PTPRN2: variants seen among roughly 807,000 people sequenced by gnomAD.
PTPRN2 encodes receptor-type tyrosine-protein phosphatase N2.
PTPRN2 carries 74 observed loss-of-function variants against 118.8 expected under a neutral mutation model. The ratio of observed to expected loss-of-function variants is 0.62; its 90% CI spans 0.52 to 0.76. The LOEUF (loss-of-function observed/expected upper bound fraction) is 0.76. Ranked by LOEUF, PTPRN2 falls within the 30% of genes least tolerant of loss-of-function variation. PTPRN2 has a pLI of 0.00. For synonymous variants in PTPRN2, 641 were observed against 608.0 expected (o/e 1.05, Z -0.80); for missense variants, 1,481 against 1,394.4 (o/e 1.06, Z -0.99).
At chr7:157,790,988 A>G (rs1017554162) in intron 12 of PTPRN2, among the ~76,000 whole-genome samples, 1 of 152,210 alleles carries the variant, frequency 6.6e-6, no homozygotes, top group Non-Finnish European at 1.5e-5. Context: ...CTGCTGTTGC[A>G]CATGCAAACT....
intron 12 of PTPRN2, among the ~76,000 whole-genome samples, chr7:157,851,027 C>T (rs191025987): frequency 6.6e-5 from 10 of 152,304 alleles, no homozygotes; most frequent in Admixed American, 1.3e-4. Context: ...GAACAAAAGG[C>T]GGCGAGGGAG....
intron 2 of PTPRN2, among the ~76,000 whole-genome samples, chr7:158,388,703 G>T (rs1165874804): frequency 6.6e-6 from 1 of 152,042 alleles, no homozygotes; most frequent in Non-Finnish European, 1.5e-5. Flanking sequence ...GAGTTGGGGG[G>T]GCCTGAAAGG....
intron 2 of PTPRN2, among the ~76,000 whole-genome samples, chr7:158,333,619 T>A (rs1444324574): frequency 6.7e-6 from 1 of 149,070 alleles, no homozygotes; most frequent in Non-Finnish European, 1.5e-5. Context: ...CTATAAGAGG[T>A]GACACCTACA....
In PTPRN2 at chr7:158,449,094, T is replaced by A. The variant is rs538234739; in HGVS notation, c.163+40641A>T. ...TGTGGACAACAGGGTGTGTTTAGGG[T>A]CCAGGGACTTTCACACCAGAGGAAA... On this transcript the variant is annotated intron_variant, in intron 2 of 22. Coordinates refer to ENST00000389418, the MANE Select transcript of PTPRN2 (RefSeq NM_002847.5). 6.6e-5 allele frequency among the ~76,000 whole-genome samples: 10 copies of A among 152,222 alleles called. No individual in the cohort carries two copies. The East Asian group carries it at 1.9e-3, about 29-fold the overall frequency.
At position 157,967,482 on chromosome 7, in the gene PTPRN2, G is replaced by A. The variant is rs555917289; in HGVS notation, c.1724-68745C>T. Among the ~76,000 whole-genome samples, 89 of 152,260 alleles carry A rather than the reference G, an allele frequency of 5.8e-4. No homozygotes were observed. The East Asian group carries it at 8.1e-3, about 14-fold the overall frequency. The stretch of plus-strand genomic sequence containing the variant: ...GTGTGGCAGGTTCTATCTCATTTAC[G>A]TGGCTGGGAGTTGTAAATGCCATGA... On this transcript the variant is annotated intron_variant, in intron 11 of 22. Coordinates refer to ENST00000389418, the MANE Select transcript of PTPRN2 (RefSeq NM_002847.5).
At chr7:157,906,491 T>C (rs4716509) in intron 11 of PTPRN2, among the ~76,000 whole-genome samples, 118,203 of 152,232 alleles carry the variant, frequency 0.78, 46,304 homozygotes, top group African/African-American at 0.87. Flanking sequence ...GTGAGGCCCA[T>C]GAGGGGCCCC....
chr7:157,543,022 C>T (rs535990673), intron 22 of PTPRN2, among the ~76,000 whole-genome samples: 11 of 152,210 alleles, frequency 7.2e-5, no homozygotes, highest in Non-Finnish European at 1.2e-4. Flanking sequence ...GAGCAGAATC[C>T]GCTGAGCAAG....
chr7:157,998,559 A>C (rs1032208849), intron 11 of PTPRN2, among the ~76,000 whole-genome samples: 3 of 152,192 alleles, frequency 2.0e-5, no homozygotes, highest in African/African-American at 7.2e-5. Context: ...ATGTTTAATC[A>C]CACCTGTAAT....
chr7:157,943,086 C>T (rs150937849), intron 11 of PTPRN2, among the ~76,000 whole-genome samples: 1 of 152,188 alleles, frequency 6.6e-6, no homozygotes, highest in Non-Finnish European at 1.5e-5. Flanking sequence ...CCCCAGGAAG[C>T]CTTTGCATTC....
intron 11 of PTPRN2, among the ~76,000 whole-genome samples, chr7:157,904,851 C>T (rs1385937476): frequency 3.3e-5 from 5 of 152,210 alleles, no homozygotes; most frequent in Non-Finnish European, 5.9e-5. Flanking sequence ...GGGCAGCCTC[C>T]GCAGCACAGC....
At position 157,831,499 on chromosome 7, in the gene PTPRN2, C is replaced by T. The variant is rs1807565965; in HGVS notation, c.1788+67174G>A. The stretch of plus-strand genomic sequence containing the variant: ...GGGCTGGGAGACGGAGCTGCCCTCC[C>T]CATCCCTGTCCACGGCCCCTCTCAC... On this transcript the variant is annotated intron_variant, in intron 12 of 22. Transcript: ENST00000389418. This position sits in a 1 kb window ranked among gnomAD's most constrained non-coding sequence, Gnocchi z 4.8. 6.6e-6 allele frequency among the ~76,000 whole-genome samples: 1 copy of T among 152,192 alleles called. No individual in the cohort carries two copies. The highest frequency in any genetic ancestry group is 1.5e-5 in the Non-Finnish European group (1 of 68,028).
intron 13 of PTPRN2, among the ~76,000 whole-genome samples, chr7:157,657,153 C>A (rs1188714945): frequency 8.4e-6 from 1 of 119,390 alleles, no homozygotes; most frequent in East Asian, 2.7e-4. Context: ...CACACACACA[C>A]CACACACATC....
At chr7:158,052,649 T>C (rs368140577) in intron 11 of PTPRN2, among the ~76,000 whole-genome samples, 13 of 148,692 alleles carry the variant, frequency 8.7e-5, no homozygotes, top group African/African-American at 2.8e-4. Flanking sequence ...AGGGGTGCCC[T>C]TCGGACCTCC....
chr7:157,540,742 T>C lies in PTPRN2; in HGVS notation c.3020A>G (p.Asn1007Ser). ...FALTAVAEEVNAILKALPQ is the reference protein window; with the variant it reads ...FALTAVAEEVSAILKALPQ ...CTGGGGAAGGGCCTTGAGGATGGCGTTCACCTCCTCAGCCACGGCTGTCAG... is the reference window on the plus strand; with the variant it reads ...CTGGGGAAGGGCCTTGAGGATGGCGCTCACCTCCTCAGCCACGGCTGTCAG... Residue 1007 changes from asparagine to serine, a missense_variant, in exon 23 of 23, where the codon AAC becomes AGC. This residue lies in a region of PTPRN2 where 362 missense variants were observed against 384.1 expected (regional missense o/e 0.94). Transcript: ENST00000389418. The C allele has an allele frequency of 1.3e-6, 2 of 1,567,994 alleles. No individual in the cohort carries two copies. The highest frequency in any genetic ancestry group is 1.7e-6 in the Non-Finnish European group (2 of 1,156,238).
chr7:158,142,377 G>A (rs541005045), intron 6 of PTPRN2, among the ~76,000 whole-genome samples: 6 of 152,310 alleles, frequency 3.9e-5, no homozygotes, highest in East Asian at 1.9e-4. Flanking sequence ...CCGGACTGAC[G>A]CTGGCGCATC....
chr7:157,816,678 T>C (rs1806421238), intron 12 of PTPRN2, among the ~76,000 whole-genome samples: 1 of 152,288 alleles, frequency 6.6e-6, no homozygotes, highest in Non-Finnish European at 1.5e-5. Flanking sequence ...AGCTCTGCTC[T>C]CAGAAAAGCA....
In PTPRN2 at chr7:158,007,554, G is replaced by A. The variant is rs534443802; in HGVS notation, c.1723+73744C>T. On this transcript the variant is annotated intron_variant, in intron 11 of 22. Coordinates refer to ENST00000389418, the MANE Select transcript of PTPRN2 (RefSeq NM_002847.5). ...CCACAGGGAGCAGAGAGCGGACGATGGCCGGTGGTGATGAGATGTGGCCCT... is the reference window on the plus strand; with the variant it reads ...CCACAGGGAGCAGAGAGCGGACGATAGCCGGTGGTGATGAGATGTGGCCCT... Among the ~76,000 whole-genome samples the A allele has an allele frequency of 1.8e-4, 27 of 152,300 alleles. No homozygotes were observed. The East Asian group carries it at 5.2e-3, about 29-fold the overall frequency.
At position 158,075,237 on chromosome 7, in the gene PTPRN2, T is replaced by A. The variant is rs11762070; in HGVS notation, c.1723+6061A>T. Among the ~76,000 whole-genome samples the A allele has an allele frequency of 2.0e-5, 3 of 151,958 alleles. No homozygotes were observed. In the East Asian group the frequency reaches 5.8e-4, roughly 29 times the overall value. On this transcript the variant is annotated intron_variant, in intron 11 of 22. Coordinates refer to ENST00000389418, the MANE Select transcript of PTPRN2 (RefSeq NM_002847.5). ...GGCTGTTCAGAATGGAGTCATGGGG[T>A]GCAGCTCCTACCATCTCCGATTCCC... is the stretch of plus-strand genomic sequence containing the variant.
At chr7:158,184,401 C>T (rs1180577046) in intron 5 of PTPRN2, among the ~76,000 whole-genome samples, 4 of 152,058 alleles carry the variant, frequency 2.6e-5, no homozygotes, top group African/African-American at 9.7e-5. Flanking sequence ...TTAATTGTTG[C>T]TAGTATACAG....
Sources: allele counts gnomAD v4.1 joint callset (sites outside exome capture counted in the v4.1 genomes callset), GRCh38; gene constraint gnomAD v4.1.1; regional missense constraint gnomAD v4.1.1; non-coding constraint Gnocchi (gnomAD v3.1); transcripts MANE v1.5; gene names NCBI Gene and HGNC (gene_info 2026-07-23, HGNC 2026-07-21).